UBE3B: variants seen among roughly 807,000 people sequenced by gnomAD.
UBE3B encodes the protein ubiquitin-protein ligase E3B.
UBE3B carries 80 observed loss-of-function variants against 132.3 expected under a neutral mutation model. That is an observed-to-expected ratio of 0.60 (90% CI 0.50 to 0.73). The LOEUF (loss-of-function observed/expected upper bound fraction) is 0.73, where lower values mean the gene tolerates loss of function less well. UBE3B is among the 30% of genes least tolerant of loss of function. The pLI, the probability that UBE3B is intolerant of heterozygous loss-of-function variation, is 0.00. For synonymous variants in UBE3B, 487 were observed against 520.4 expected (o/e 0.94, Z 0.87); for missense variants, 1,196 against 1,362.5 (o/e 0.88, Z 1.92).
intron 18 of UBE3B, 102 bp downstream of exon 18, chr12:109,511,405 A>G (rs1287425478): frequency 1.9e-6 from 2 of 1,035,640 alleles, no homozygotes; most frequent in Non-Finnish European, 2.9e-6. Context: ...ACTAAGTGGG[A>G]TCATTCATTC....
At chr12:109,510,545 G>A in intron 17 of UBE3B, 87 bp downstream of exon 17, 4 of 1,090,194 alleles carry the variant, frequency 3.7e-6, no homozygotes, top group Non-Finnish European at 5.4e-6. Flanking sequence ...TTCTAGGGCA[G>A]AGAGGACTTT....
chr12:109,538,521 G>C (rs1200264528), downstream of UBE3B, among the ~76,000 whole-genome samples: 1 of 152,224 alleles, frequency 6.6e-6, no homozygotes, highest in Non-Finnish European at 1.5e-5. The surrounding 1 kb of genome is among the most constrained non-coding windows in gnomAD (Gnocchi z 4.1). Context: ...GAGCACGTGA[G>C]GATTAAATGC....
the UBE3B span, among the ~76,000 whole-genome samples, chr12:109,545,760 T>A: frequency 6.6e-6 from 1 of 152,190 alleles, no homozygotes; most frequent in Non-Finnish European, 1.5e-5. Context: ...TTGCCGGGGA[T>A]GCTGCAAACT....
intron 24 of UBE3B, among the ~76,000 whole-genome samples, chr12:109,526,818 C>T (rs533822957): frequency 1.4e-3 from 204 of 151,108 alleles, no homozygotes; most frequent in African/African-American, 4.9e-3. Context: ...TTGCAGTGAG[C>T]CAAGATCGCA....
At chr12:109,526,734 G>A (rs1483205265) in intron 24 of UBE3B, among the ~76,000 whole-genome samples, 1 of 152,096 alleles carries the variant, frequency 6.6e-6, no homozygotes, top group Non-Finnish European at 1.5e-5. Flanking sequence ...AGCTGGGCGT[G>A]GTGGCTCATG....
chr12:109,512,971 G>C (rs914768747), intron 18 of UBE3B, among the ~76,000 whole-genome samples: 9 of 152,222 alleles, frequency 5.9e-5, no homozygotes, highest in African/African-American at 2.2e-4. Flanking sequence ...CATGAACTGT[G>C]CTTCTCTGTA....
At position 109,535,995 on chromosome 12, in the gene UBE3B, C is replaced by G. The variant is rs1883398304; in HGVS notation, c.*1213C>G. On this transcript the variant is annotated 3_prime_UTR_variant, in exon 28 of 28. Transcript: ENST00000342494. ...TGCACCTGCACCACCAAGGTTGATG[C>G]CGGATTCGAAGCCAGGAAGGCCCAG... is the stretch of plus-strand genomic sequence containing the variant. 1 of 152,264 alleles carries G rather than the reference C, an allele frequency of 6.6e-6. No homozygotes were observed. Among genetic ancestry groups the G allele is most frequent in the African/African-American group, 2.4e-5 (1 of 41,428 alleles). The allele number at this position is 152,264 out of a possible 1,614,324, so 9.4% of individuals were successfully genotyped here.
chr12:109,511,352 C>T (rs371080492), intron 18 of UBE3B, 49 bp downstream of exon 18: 34 of 1,560,094 alleles, frequency 2.2e-5, no homozygotes, highest in East Asian at 1.6e-4. Context: ...TATTCCCCCA[C>T]GTGGTTCCTG....
At chr12:109,484,778 G>A (rs1315825259) in intron 4 of UBE3B, among the ~76,000 whole-genome samples, 2 of 149,968 alleles carry the variant, frequency 1.3e-5, no homozygotes, top group Non-Finnish European at 3.0e-5. Context: ...CATATTCTGA[G>A]ACAGGGTCTC....
At chr12:109,526,287 C>G in intron 23 of UBE3B, 71 bp from the exon 24 acceptor site, 16 of 1,445,276 alleles carry the variant, frequency 1.1e-5, no homozygotes, top group South Asian at 4.6e-5. Flanking sequence ...GTGCTGGGCC[C>G]TCTCATCTCC....
downstream of UBE3B, among the ~76,000 whole-genome samples, chr12:109,541,122 C>T (rs931364547): frequency 6.6e-6 from 1 of 152,222 alleles, no homozygotes; most frequent in Non-Finnish European, 1.5e-5. Context: ...CATGTTCCAG[C>T]GTGGTCCACC....
At chr12:109,481,121 A>G (rs1428666676) in intron 1 of UBE3B, among the ~76,000 whole-genome samples, 3 of 151,388 alleles carry the variant, frequency 2.0e-5, no homozygotes, top group East Asian at 4.0e-4. Context: ...AAAAAAAAAA[A>G]TGTCAAACAT....
At chr12:109,491,258 CT>C (rs1877429304) in intron 9 of UBE3B, 131 bp downstream of exon 9, 1 of 779,514 alleles carries the variant, frequency 1.3e-6, no homozygotes, top group Non-Finnish European at 2.0e-6. Context: ...AAGCATTGTT[CT>C]TAATGAAAGT....
intron 19 of UBE3B, chr12:109,519,744 CTT>C (rs1881470122): frequency 6.6e-6 from 1 of 152,228 alleles, no homozygotes. Context: ...TGTCATCTAA[CTT>C]AATGATTCTC....
chr12:109,541,030 G>A (rs1452171468), downstream of UBE3B, among the ~76,000 whole-genome samples: 2 of 152,220 alleles, frequency 1.3e-5, no homozygotes, highest in African/African-American at 4.8e-5. Flanking sequence ...CCCATGAACT[G>A]CCTCTGAGTC....
intron 18 of UBE3B, among the ~76,000 whole-genome samples, chr12:109,512,595 C>T (rs545515540): frequency 3.3e-5 from 5 of 152,112 alleles, no homozygotes; most frequent in African/African-American, 1.2e-4. Flanking sequence ...CTTTTTTTAA[C>T]GAAGTAGACA....
chr12:109,503,114 G>T lies in UBE3B; in HGVS notation c.1374G>T (p.Gln458His). 1 of 1,614,226 alleles carries T rather than the reference G, an allele frequency of 6.2e-7. No individual in the cohort carries two copies. The highest frequency in any genetic ancestry group is 1.1e-5 in the South Asian group (1 of 91,082). Residue 458 changes from glutamine (Q) to histidine (H), a missense_variant, in exon 14 of 28, where the codon CAG becomes CAT. Coordinates refer to ENST00000342494, the MANE Select transcript of UBE3B (RefSeq NM_130466.4). ...GGKRVDSAEV[Q>H]KVCNICVLYQ... The stretch of plus-strand genomic sequence containing the variant: ...AACGGGTCGACTCTGCAGAAGTCCA[G>T]AAGGTTTGCAACATCTGTGTCCTCT...
rs777312901 is a variant in UBE3B at position 109,491,147 on chromosome 12, T to C, written c.713+20T>C. On this transcript the variant is annotated intron_variant, in intron 9 of 27. Coordinates refer to ENST00000342494, the MANE Select transcript of UBE3B (RefSeq NM_130466.4). ...GTTACGGTGAGTAAGAAACCATAGC[T>C]GAGGTGTTGGCATGTTCTTGAATGC... 1.2e-6 allele frequency: 2 copies of C among 1,611,722 alleles called. No homozygotes were observed. Among genetic ancestry groups the C allele is most frequent in the Non-Finnish European group, 1.7e-6 (2 of 1,178,208 alleles).
intron 26 of UBE3B, among the ~76,000 whole-genome samples, chr12:109,531,613 G>T (rs779197075): frequency 1.5e-4 from 23 of 152,252 alleles, no homozygotes; most frequent in Non-Finnish European, 3.1e-4. Flanking sequence ...TCTCTCCTGG[G>T]TGGTCATTCT....
Sources: allele counts gnomAD v4.1 joint callset (sites outside exome capture counted in the v4.1 genomes callset), GRCh38; gene constraint gnomAD v4.1.1; non-coding constraint Gnocchi (gnomAD v3.1); transcripts MANE v1.5; gene names NCBI Gene and HGNC (gene_info 2026-07-23, HGNC 2026-07-21).